SUMF1: variants seen among roughly 807,000 people sequenced by gnomAD.
SUMF1 encodes formylglycine-generating enzyme.
Under a neutral mutation model 47.6 loss-of-function variants are expected in SUMF1, and 48 were observed. That is an observed-to-expected ratio of 1.01 (90% CI 0.80 to 1.28). The LOEUF is 1.28. Ranked by LOEUF, SUMF1 falls within the 50% of genes most tolerant of loss-of-function variation. The probability of loss-of-function intolerance (pLI) is 0.00; values close to 1 mark genes in which losing one functional copy is unlikely to be tolerated. For missense variants in SUMF1, 571 were observed against 485.4 expected (o/e 1.18, Z -1.66); for synonymous variants, 230 against 192.1 (o/e 1.20, Z -1.63).
chr3:4,254,324 G>A (rs1027477151), intron 8 of SUMF1, among the ~76,000 whole-genome samples: 1 of 151,434 alleles, frequency 6.6e-6, no homozygotes, highest in Non-Finnish European at 1.5e-5. Context: ...TGAGCTATGG[G>A]AGGACATTCA....
chr3:4,106,017 A>T (rs1193478149), intron 8 of SUMF1, among the ~76,000 whole-genome samples: 1 of 151,570 alleles, frequency 6.6e-6, no homozygotes, highest in Non-Finnish European at 1.5e-5. Flanking sequence ...TTTTTTTAAC[A>T]GTTATGCAAT....
intron 8 of SUMF1, among the ~76,000 whole-genome samples, chr3:4,153,467 T>G (rs973760245): frequency 2.8e-4 from 42 of 151,162 alleles, no homozygotes; most frequent in Non-Finnish European, 2.9e-5. Flanking sequence ...CCTCCCATGT[T>G]GGCTTCCCAA....
chr3:4,170,982 G>A (rs549704401), intron 8 of SUMF1, among the ~76,000 whole-genome samples: 1 of 152,304 alleles, frequency 6.6e-6, no homozygotes, highest in South Asian at 2.1e-4. Context: ...GCAATGTAGT[G>A]CTCTATGCCA....
chr3:4,451,945 C>T (rs968776531), intron 2 of SUMF1, among the ~76,000 whole-genome samples: 6 of 152,068 alleles, frequency 3.9e-5, no homozygotes, highest in South Asian at 2.1e-4. Context: ...AGCCTCCCAA[C>T]GTGCTGAGAT....
chr3:4,365,914 A>G (rs1247761741), intron 8 of SUMF1, among the ~76,000 whole-genome samples: 1 of 152,262 alleles, frequency 6.6e-6, no homozygotes, highest in East Asian at 1.9e-4. Context: ...CAGGCCTGGT[A>G]GCAACAAAAT....
At chr3:4,306,023 T>C (rs1366541834) in intron 8 of SUMF1, among the ~76,000 whole-genome samples, 2 of 152,150 alleles carry the variant, frequency 1.3e-5, no homozygotes, top group Admixed American at 1.3e-4. Context: ...AAATATTTAT[T>C]GAGAGCTAAA....
intron 8 of SUMF1, among the ~76,000 whole-genome samples, chr3:4,365,671 A>C (rs1232372202): frequency 6.9e-6 from 1 of 145,870 alleles, no homozygotes; most frequent in Non-Finnish European, 1.5e-5. Flanking sequence ...TCTTTATCCA[A>C]TTTGCCAGTC....
chr3:4,138,110 G>C (rs756644721), intron 8 of SUMF1, among the ~76,000 whole-genome samples: 3 of 151,930 alleles, frequency 2.0e-5, no homozygotes, highest in Non-Finnish European at 4.4e-5. Flanking sequence ...AAAAGGTTTG[G>C]GTCTTTTGCG....
chr3:4,449,187 CAT>C (rs1298146559), intron 3 of SUMF1, 77 bp downstream of exon 3: 17 of 1,457,168 alleles, frequency 1.2e-5, no homozygotes, highest in East Asian at 9.1e-5. Context: ...GAAGGTGACA[CAT>C]GTGGTTTGGA....
intron 8 of SUMF1, among the ~76,000 whole-genome samples, chr3:4,148,456 A>AC (rs1694244861): frequency 6.6e-6 from 1 of 152,170 alleles, no homozygotes; most frequent in South Asian, 2.1e-4. Flanking sequence ...GAAAACTCCT[A>AC]CCTCACAAGA....
chr3:4,280,090 T>C (rs1179605238), intron 8 of SUMF1, among the ~76,000 whole-genome samples: 5 of 152,168 alleles, frequency 3.3e-5, no homozygotes, highest in Non-Finnish European at 7.4e-5. Context: ...TTAAGTGTTC[T>C]TACCACACAC....
chr3:4,136,568 CT>C (rs1693937574), intron 8 of SUMF1, among the ~76,000 whole-genome samples: 1 of 151,982 alleles, frequency 6.6e-6, no homozygotes, highest in African/African-American at 2.4e-5. Flanking sequence ...TGGGCAAGGA[CT>C]TCATGTCTAA....
chr3:4,455,561 C>A (rs1334595406), intron 1 of SUMF1, among the ~76,000 whole-genome samples: 4 of 152,050 alleles, frequency 2.6e-5, no homozygotes, highest in Non-Finnish European at 5.9e-5. Flanking sequence ...ACTAAAAATA[C>A]AAAAAATTAG....
At chr3:4,260,344 A>G (rs1697059034) in intron 8 of SUMF1, among the ~76,000 whole-genome samples, 1 of 152,224 alleles carries the variant, frequency 6.6e-6, no homozygotes, top group Non-Finnish European at 1.5e-5. Context: ...CTAGTGTTCT[A>G]TATTCTCCTA....
At chr3:4,261,759 G>A (rs1386459394) in intron 8 of SUMF1, among the ~76,000 whole-genome samples, 1 of 152,170 alleles carries the variant, frequency 6.6e-6, no homozygotes, top group Non-Finnish European at 1.5e-5. Context: ...CCGGTGTTCA[G>A]TAGAAGACCA....
chr3:4,069,027 A>G (rs973780006), intron 8 of SUMF1, among the ~76,000 whole-genome samples: 1 of 152,204 alleles, frequency 6.6e-6, no homozygotes, highest in Non-Finnish European at 1.5e-5. Context: ...TATTATATTT[A>G]AATACCCAGG....
intron 8 of SUMF1, among the ~76,000 whole-genome samples, chr3:4,325,778 C>A (rs1471135877): frequency 6.6e-6 from 1 of 151,842 alleles, no homozygotes; most frequent in Non-Finnish European, 1.5e-5. Context: ...AGTTTGGAAA[C>A]ATGTAGTCAA....
rs532355995 is a variant in SUMF1, at chr3:4,236,006, G to C, written c.1014+140324C>G. 3.3e-5 allele frequency among the ~76,000 whole-genome samples: 5 copies of C among 152,082 alleles called. No individual in the cohort carries two copies. In the South Asian group the frequency reaches 8.3e-4, roughly 25 times the overall value. On this transcript the variant is annotated intron_variant and NMD_transcript_variant, in intron 8 of 12. Transcript: ENST00000448413. ...CATACAGGTTGGAGTTCAGCGATAG[G>C]ATTTTGGCTCACCATAACCTCTACC...
intron 8 of SUMF1, among the ~76,000 whole-genome samples, chr3:4,371,868 T>C (rs188928964): frequency 7.2e-4 from 110 of 152,348 alleles, no homozygotes; most frequent in Middle Eastern, 3.4e-3. Flanking sequence ...TCCAAGGTTC[T>C]AGCCTATTCA....
Sources: allele counts gnomAD v4.1 joint callset (sites outside exome capture counted in the v4.1 genomes callset), GRCh38; gene constraint gnomAD v4.1.1; transcripts MANE v1.5; gene names NCBI Gene and HGNC (gene_info 2026-07-23, HGNC 2026-07-21).